Variants in NELL1 observed in about 807,000 individuals in gnomAD.
The protein encoded by NELL1 is neural EGFL like 1.
In NELL1, 76 loss-of-function variants were observed where a neutral mutation model predicts 107.4. That is an observed-to-expected ratio of 0.71 (90% CI 0.59 to 0.86). The LOEUF (loss-of-function observed/expected upper bound fraction) is 0.86. NELL1 is among the 40% of genes least tolerant of loss of function. The probability of loss-of-function intolerance (pLI) is 0.00; values close to 1 mark genes in which losing one functional copy is unlikely to be tolerated. For missense variants in NELL1, 1,024 were observed against 1,005.5 expected (o/e 1.02, Z -0.25); for synonymous variants, 353 against 341.2 (o/e 1.03, Z -0.38).
intron 14 of NELL1, among the ~76,000 whole-genome samples, chr11:21,315,567 C>T (rs887356861): frequency 6.6e-6 from 1 of 152,198 alleles, no homozygotes; most frequent in Non-Finnish European, 1.5e-5. Flanking sequence ...TGAAATTTCT[C>T]AGATCACTGC....
intron 12 of NELL1, among the ~76,000 whole-genome samples, chr11:21,095,558 G>A (rs948019581): frequency 6.6e-6 from 1 of 152,136 alleles, no homozygotes; most frequent in South Asian, 2.1e-4. Flanking sequence ...AGTTCCATAT[G>A]GCTGGGGAGG....
chr11:20,894,518 G>C (rs540015393), intron 5 of NELL1, among the ~76,000 whole-genome samples: 1 of 152,250 alleles, frequency 6.6e-6, no homozygotes, highest in Admixed American at 6.5e-5. Context: ...GTAAACAAAG[G>C]GGATGGTATC....
chr11:21,013,296 T>C (rs1914252), intron 12 of NELL1, among the ~76,000 whole-genome samples: 152,108 of 152,240 alleles, frequency 1, 75,989 homozygotes, highest in Middle Eastern at 1. Flanking sequence ...GCTTATGCCC[T>C]GTGTTGGAAT....
intron 14 of NELL1, among the ~76,000 whole-genome samples, chr11:21,276,032 T>A (rs1317711565): frequency 6.6e-6 from 1 of 152,142 alleles, no homozygotes; most frequent in Non-Finnish European, 1.5e-5. Flanking sequence ...TTCAACATAG[T>A]ATTGGAAGTT....
At chr11:21,337,357 G>A (rs1850427224) in intron 14 of NELL1, among the ~76,000 whole-genome samples, 1 of 152,146 alleles carries the variant, frequency 6.6e-6, no homozygotes, top group Non-Finnish European at 1.5e-5. Flanking sequence ...TGTTCTAATG[G>A]TAAATCACCC....
chr11:21,330,747 T>G (rs1405582362), intron 14 of NELL1, among the ~76,000 whole-genome samples: 1 of 152,098 alleles, frequency 6.6e-6, no homozygotes, highest in Non-Finnish European at 1.5e-5. Context: ...GCTTCTTGGA[T>G]GTGTCAATTC....
At chr11:20,861,593 G>A (rs868061742) in intron 4 of NELL1, among the ~76,000 whole-genome samples, 3 of 152,300 alleles carry the variant, frequency 2.0e-5, no homozygotes, top group Admixed American at 1.3e-4. Flanking sequence ...GTGAGACCAC[G>A]GCAATTATCC....
At position 20,692,131 on chromosome 11, in the gene NELL1, T is replaced by G. The variant is rs1287914863; in HGVS notation, c.184+14071T>G. Among the ~76,000 whole-genome samples, 5 of 152,134 alleles carry G rather than the reference T, an allele frequency of 3.3e-5. 1 individual carries two copies. The South Asian group carries it at 1.0e-3, about 32-fold the overall frequency. ...TATTTCTGTGGGATCGGTGGTGATA[T>G]CCCCTTTATCATTTTTTATTGTGTC... is the stretch of plus-strand genomic sequence containing the variant. On this transcript the variant is annotated intron_variant, in intron 2 of 19. Transcript: ENST00000357134.
At chr11:21,293,843 C>T (rs530850751) in intron 14 of NELL1, among the ~76,000 whole-genome samples, 1 of 152,194 alleles carries the variant, frequency 6.6e-6, no homozygotes, top group Admixed American at 6.5e-5. Flanking sequence ...GAAAACCAAA[C>T]ACCACATGAT....
At chr11:20,996,973 T>C (rs186722817) in intron 12 of NELL1, among the ~76,000 whole-genome samples, 8 of 152,296 alleles carry the variant, frequency 5.3e-5, no homozygotes, top group African/African-American at 1.9e-4. Context: ...TCCTACATCA[T>C]ATTTCTTCTT....
chr11:21,321,280 C>T (rs1850003527), intron 14 of NELL1, among the ~76,000 whole-genome samples: 1 of 152,084 alleles, frequency 6.6e-6, no homozygotes, highest in African/African-American at 2.4e-5. Context: ...CCATCTCACC[C>T]TCAGCAGTAA....
intron 2 of NELL1, among the ~76,000 whole-genome samples, chr11:20,707,154 G>C (rs891164264): frequency 2.6e-5 from 4 of 152,094 alleles, no homozygotes; most frequent in Non-Finnish European, 4.4e-5. Context: ...TGGTCGAATT[G>C]GCTACTGAAG....
At chr11:21,053,040 G>A (rs956836000) in intron 12 of NELL1, among the ~76,000 whole-genome samples, 1 of 152,112 alleles carries the variant, frequency 6.6e-6, no homozygotes, top group Non-Finnish European at 1.5e-5. Flanking sequence ...AATGTCAGCT[G>A]TCTGGAGCCC....
chr11:21,531,143 TTAACTA>T (rs1270435936), intron 15 of NELL1, among the ~76,000 whole-genome samples: 1 of 152,084 alleles, frequency 6.6e-6, no homozygotes, highest in South Asian at 2.1e-4. Context: ...GTTTGAAACT[TTAACTA>T]TTAGTATGAA....
intron 12 of NELL1, among the ~76,000 whole-genome samples, chr11:21,088,471 C>A (rs1048366839): frequency 5.3e-5 from 8 of 152,136 alleles, no homozygotes; most frequent in African/African-American, 7.2e-5. Context: ...GGCTCCAAAA[C>A]CCATATATGT....
intron 14 of NELL1, among the ~76,000 whole-genome samples, chr11:21,268,265 A>G (rs1210064178): frequency 1.3e-5 from 2 of 152,128 alleles, no homozygotes; most frequent in Admixed American, 6.5e-5. Flanking sequence ...AGGCCCTCAC[A>G]CTTTTGTGAG....
intron 12 of NELL1, among the ~76,000 whole-genome samples, chr11:21,089,657 A>G (rs896941458): frequency 7.2e-5 from 11 of 152,216 alleles, no homozygotes; most frequent in African/African-American, 2.4e-4. Flanking sequence ...AAGATATCAG[A>G]AAGGAGAGTA....
intron 12 of NELL1, among the ~76,000 whole-genome samples, chr11:20,975,958 A>ATGTGTACATATATGTACAT (rs1554953036): frequency 0.091 from 9,297 of 102,526 alleles, 621 homozygotes; most frequent in East Asian, 0.27. Flanking sequence ...TATGTACATT[A>ATGTGTACATATATGTACAT]TATATACATT....
chr11:21,142,574 C>G lies in NELL1; in HGVS notation c.1426+28860C>G, dbSNP rs186861712. ...TCAGCTTCCTGCTTTATTTGCAGGC[C>G]TTGTGACTTGACACCTTCCAGATCA... On this transcript the variant is annotated intron_variant, in intron 13 of 19. Transcript: ENST00000357134. 8.5e-5 allele frequency among the ~76,000 whole-genome samples: 13 copies of G among 152,316 alleles called. No homozygotes were observed. The East Asian group carries it at 2.1e-3, about 25-fold the overall frequency.
Sources: gnomAD v4.1 joint callset for allele counts (sites outside exome capture counted in the v4.1 genomes callset) on GRCh38, gnomAD v4.1.1 for gene constraint, MANE v1.5 for transcripts, NCBI Gene and HGNC (gene_info 2026-07-23, HGNC 2026-07-21) for gene names.